Variants in ARRB1 observed in about 807,000 individuals in gnomAD.
ARRB1 encodes arrestin beta 1.
Under a neutral mutation model 56.8 loss-of-function variants are expected in ARRB1, and 21 were observed. That is an observed-to-expected ratio of 0.37 (90% confidence interval 0.26 to 0.53). The LOEUF (loss-of-function observed/expected upper bound fraction) is 0.53. Ranked by LOEUF, ARRB1 falls within the 20% of genes least tolerant of loss-of-function variation. ARRB1 has a pLI of 0.88. For synonymous variants in ARRB1, 210 were observed against 218.6 expected (o/e 0.96, Z 0.35); for missense variants, 424 against 553.7 (o/e 0.77, Z 2.35).
intron 1 of ARRB1, among the ~76,000 whole-genome samples, chr11:75,326,238 G>A (rs1235191986): frequency 6.6e-6 from 1 of 152,298 alleles, no homozygotes; most frequent in Middle Eastern, 3.4e-3. Context: ...GCTCCTGAGA[G>A]AGGCACTGAG....
intron 1 of ARRB1, among the ~76,000 whole-genome samples, chr11:75,350,511 C>T (rs1207264752): frequency 1.3e-5 from 2 of 152,206 alleles, no homozygotes; most frequent in African/African-American, 4.8e-5. Context: ...GGTGGCAACG[C>T]TGAGCCCCTG....
intron 2 of ARRB1, 62 bp downstream of exon 2, chr11:75,289,947 C>T: frequency 6.2e-7 from 1 of 1,612,224 alleles, no homozygotes; most frequent in African/African-American, 1.3e-5. Context: ...CTCTGCTTCC[C>T]AAGAGAAAAT....
chr11:75,282,534 T>A (rs1323165983), intron 5 of ARRB1, among the ~76,000 whole-genome samples: 2 of 152,150 alleles, frequency 1.3e-5, no homozygotes. Context: ...GAAGGCACTG[T>A]GAGCCAAGGA....
intron 1 of ARRB1, among the ~76,000 whole-genome samples, chr11:75,343,530 C>T: frequency 6.6e-6 from 1 of 152,116 alleles, no homozygotes; most frequent in Non-Finnish European, 1.5e-5. Flanking sequence ...TTTGCTTTAT[C>T]TTACTTAATT....
At chr11:75,345,678 TAGGAGTGGTATAACCCTGTCCCTC>T (rs1472202060) in intron 1 of ARRB1, among the ~76,000 whole-genome samples, 2 of 152,206 alleles carry the variant, frequency 1.3e-5, no homozygotes, top group African/African-American at 2.4e-5. Context: ...CCCATGCTAA[TAGGAGTGGTATAACCCTGTCCCTC>T]AGGACTTCCC....
intron 14 of ARRB1, 98 bp downstream of exon 14, chr11:75,268,791 T>G: frequency 1.5e-6 from 2 of 1,321,192 alleles, no homozygotes; most frequent in East Asian, 4.8e-5. Flanking sequence ...GAGAAAAGGG[T>G]GACTGGGCTG....
At chr11:75,275,679 G>A (rs931643691) in intron 10 of ARRB1, among the ~76,000 whole-genome samples, 11 of 152,156 alleles carry the variant, frequency 7.2e-5, no homozygotes, top group African/African-American at 2.2e-4. Context: ...CCTTGGAGTC[G>A]GACGACCGTG....
chr11:75,313,406 G>C (rs1044562720), intron 1 of ARRB1, among the ~76,000 whole-genome samples: 1 of 147,652 alleles, frequency 6.8e-6, no homozygotes, highest in Non-Finnish European at 1.5e-5. Flanking sequence ...GAATCTCTAT[G>C]GGCTCTTAAG....
chr11:75,331,473 G>A (rs1485635435), intron 1 of ARRB1, among the ~76,000 whole-genome samples: 1 of 152,124 alleles, frequency 6.6e-6, no homozygotes, highest in African/African-American at 2.4e-5. Flanking sequence ...TGAAGTAACT[G>A]AAGAATGACA....
chr11:75,289,157 G>T (rs956337856), intron 2 of ARRB1, among the ~76,000 whole-genome samples: 5 of 152,156 alleles, frequency 3.3e-5, no homozygotes, highest in Non-Finnish European at 7.4e-5. Flanking sequence ...GGTGCTATTT[G>T]CCAACCCAGG....
At position 75,326,724 on chromosome 11, in the gene ARRB1, C is replaced by CTT. The variant is rs34937667; in HGVS notation, c.20+24862_20+24863dup. Among the ~76,000 whole-genome samples the CTT allele has an allele frequency of 5.9e-3, 727 of 123,738 alleles. 13 individuals carry two copies. Among genetic ancestry groups the CTT allele is most frequent in the South Asian group, 0.026 (98 of 3,722 alleles). The allele number at this position is 123,738 out of a possible 152,430, so 81.2% of individuals were successfully genotyped here. ...CACACTGCCTTTTTAAAATTACTGTCTTTTTTTTTTTTTTTTTTTGAGACA... is the reference window on the plus strand; with the variant it reads ...CACACTGCCTTTTTAAAATTACTGTCTTTTTTTTTTTTTTTTTTTTTGAGACA... On this transcript the variant is annotated intron_variant, in intron 1 of 15. Coordinates refer to ENST00000420843, the MANE Select transcript of ARRB1 (RefSeq NM_004041.5).
intron 1 of ARRB1, chr11:75,306,677 G>A: frequency 7.8e-7 from 1 of 1,283,572 alleles, no homozygotes; most frequent in Non-Finnish European, 1.0e-6. Flanking sequence ...GCAGCAGCCA[G>A]GCCAGGGCCA....
At position 75,310,870 on chromosome 11, in the gene ARRB1, C is replaced by T. The variant is rs1947140903; in HGVS notation, c.21-20831G>A. 7.2e-5 allele frequency among the ~76,000 whole-genome samples: 11 copies of T among 152,298 alleles called. No homozygotes were observed. The South Asian group carries it at 2.1e-3, about 29-fold the overall frequency. On this transcript the variant is annotated intron_variant, in intron 1 of 15. Transcript: ENST00000420843. ...GTGGCAACTTTGTACAGGCCAGACC[C>T]CAGGAGGCCGGCTCCCCAATTGCCT...
chr11:75,273,777 G>T (rs1946128733), intron 11 of ARRB1, among the ~76,000 whole-genome samples: 1 of 152,212 alleles, frequency 6.6e-6, no homozygotes, highest in African/African-American at 2.4e-5. Flanking sequence ...TACGTCAGAA[G>T]CTGCCACCTC....
chr11:75,282,820 C>T (rs1275005226), intron 5 of ARRB1, among the ~76,000 whole-genome samples: 2 of 152,228 alleles, frequency 1.3e-5, no homozygotes, highest in African/African-American at 4.8e-5. Context: ...ATCTCAGAAT[C>T]AGAGAGCCTA....
intron 1 of ARRB1, among the ~76,000 whole-genome samples, chr11:75,343,054 C>G (rs1016566666): frequency 4.6e-5 from 7 of 152,194 alleles, no homozygotes; most frequent in African/African-American, 1.7e-4. Context: ...AATGCCTTGG[C>G]TGAACAAATA....
intron 1 of ARRB1, among the ~76,000 whole-genome samples, chr11:75,338,495 C>T (rs1947645904): frequency 1.3e-5 from 2 of 152,208 alleles, no homozygotes; most frequent in South Asian, 2.1e-4. Context: ...TCCAGGTCTA[C>T]ACTCAAATGG....
At chr11:75,305,982 C>T (rs1157090591) in intron 1 of ARRB1, among the ~76,000 whole-genome samples, 2 of 152,146 alleles carry the variant, frequency 1.3e-5, no homozygotes, top group East Asian at 3.8e-4. Context: ...GATATCTGAG[C>T]ACCTTCACCT....
chr11:75,289,744 C>T (rs936122962), intron 2 of ARRB1, among the ~76,000 whole-genome samples: 10 of 152,168 alleles, frequency 6.6e-5, no homozygotes, highest in African/African-American at 2.4e-4. Context: ...TTACTGAAGT[C>T]TCTCTATGAC....
Sources: gnomAD v4.1 joint callset for allele counts (sites outside exome capture counted in the v4.1 genomes callset) on GRCh38, gnomAD v4.1.1 for gene constraint, MANE v1.5 for transcripts, NCBI Gene and HGNC (gene_info 2026-07-23, HGNC 2026-07-21) for gene names.